PAX7: variants seen among roughly 807,000 people sequenced by gnomAD.
PAX7 encodes the protein paired box protein Pax-7.
PAX7 carries 18 observed loss-of-function variants against 50.7 expected under a neutral mutation model. The ratio of observed to expected loss-of-function variants is 0.36; its 90% confidence interval spans 0.25 to 0.53. The LOEUF (loss-of-function observed/expected upper bound fraction) is 0.53, where lower values mean the gene tolerates loss of function less well. Among genes scored for constraint, PAX7 ranks in the 20% least tolerant of loss-of-function variants. The pLI is 0.93. For missense variants in PAX7, 644 were observed against 702.9 expected (o/e 0.92, Z 0.95); for synonymous variants, 310 against 290.4 (o/e 1.07, Z -0.69).
rs1249196572 is a variant in PAX7 at position 18,700,845 on chromosome 1, T to G, written c.952+27T>G. Reference sequence around the variant, plus strand: ...TGAGTGTCTTGGCCCCGTCCTGCCATCTCAGTGGTGCCCCTTCCCTTCTTT... The same window carrying G: ...TGAGTGTCTTGGCCCCGTCCTGCCAGCTCAGTGGTGCCCCTTCCCTTCTTT... On this transcript the variant is annotated intron_variant, in intron 6 of 8. Transcript: ENST00000420770. This position sits in a 1 kb window ranked among gnomAD's most constrained non-coding sequence, Gnocchi z 4.8. The G allele has an allele frequency of 1.2e-5, 17 of 1,398,116 alleles. No individual in the cohort carries two copies. Among genetic ancestry groups the G allele is most frequent in the Non-Finnish European group, 1.5e-5 (16 of 1,066,746 alleles). 86.6% of individuals were successfully genotyped at this position (1,398,116 alleles called of 1,614,324 possible).
At chr1:18,674,284 A>C (rs1334324850) in intron 4 of PAX7, among the ~76,000 whole-genome samples, 3 of 152,214 alleles carry the variant, frequency 2.0e-5, no homozygotes, top group African/African-American at 7.2e-5. Context: ...AAGACAGCTC[A>C]TGGAGGAGGT....
intron 5 of PAX7, among the ~76,000 whole-genome samples, chr1:18,694,027 C>T (rs1196806080): frequency 1.3e-5 from 2 of 152,222 alleles, no homozygotes; most frequent in Non-Finnish European, 2.9e-5. Flanking sequence ...ATACTCTGGG[C>T]TTCCCCAGTG....
At chr1:18,658,982 ATGTGTGTGT>A (rs2088562667) in intron 4 of PAX7, among the ~76,000 whole-genome samples, 1 of 151,930 alleles carries the variant, frequency 6.6e-6, no homozygotes, top group African/African-American at 2.4e-5. Context: ...ACACATATGT[ATGTGTGTGT>A]TGTGTGTGCA....
rs773926036 is a variant in PAX7 at position 18,634,338 on chromosome 1, C to T, written c.121C>T (p.Leu41=). Residue 41 remains leucine, a synonymous_variant, in exon 2 of 9, where the codon CTG becomes TTG. Transcript: ENST00000420770. The surrounding 1 kb of genome is among the most constrained non-coding windows in gnomAD (Gnocchi z 4.0). ...TPLGQGRVNQ[L]GGVFINGRPL... is the part of the protein sequence containing the mutation. ...GCTTGGCCAAGGCCGGGTCAATCAGCTGGGAGGGGTCTTCATCAATGGGCG... is the reference window on the plus strand; with the variant it reads ...GCTTGGCCAAGGCCGGGTCAATCAGTTGGGAGGGGTCTTCATCAATGGGCG... 1.2e-6 allele frequency: 2 copies of T among 1,614,026 alleles called. No homozygotes were observed. The highest frequency in any genetic ancestry group is 2.2e-5 in the South Asian group (2 of 91,056).
At chr1:18,683,193 T>G (rs945709269) in intron 4 of PAX7, among the ~76,000 whole-genome samples, 6 of 152,198 alleles carry the variant, frequency 3.9e-5, no homozygotes. Flanking sequence ...TCCTAGATAC[T>G]GGGACTGAGT....
At chr1:18,638,910 T>A (rs1292231467) in intron 4 of PAX7, among the ~76,000 whole-genome samples, 1 of 152,162 alleles carries the variant, frequency 6.6e-6, no homozygotes, top group African/African-American at 2.4e-5. Flanking sequence ...ATCCGAGTAA[T>A]CCAGGTAGGG....
At chr1:18,705,797 C>T (rs1264337126) in intron 7 of PAX7, among the ~76,000 whole-genome samples, 1 of 152,178 alleles carries the variant, frequency 6.6e-6, no homozygotes, top group Non-Finnish European at 1.5e-5. Flanking sequence ...TCCACCCAGC[C>T]CAGAATTTTA....
chr1:18,717,682 C>T (rs1258520187), intron 7 of PAX7, among the ~76,000 whole-genome samples: 1 of 152,176 alleles, frequency 6.6e-6, no homozygotes, highest in Non-Finnish European at 1.5e-5. Flanking sequence ...GGCGTGTGTC[C>T]CCAGCACAAA....
At chr1:18,712,588 C>T (rs1362328004) in intron 7 of PAX7, among the ~76,000 whole-genome samples, 1 of 152,206 alleles carries the variant, frequency 6.6e-6, no homozygotes, top group East Asian at 1.9e-4. Context: ...TGAGTAGGCT[C>T]TGCTAGGAAC....
At chr1:18,736,007 T>C (rs562064181) in intron 8 of PAX7, 129 bp downstream of exon 8, 2 of 1,601,970 alleles carry the variant, frequency 1.2e-6, no homozygotes, top group Non-Finnish European at 1.7e-6. Context: ...GATGGAAAAA[T>C]TGAAGTCCAG....
intron 5 of PAX7, among the ~76,000 whole-genome samples, chr1:18,693,355 G>A (rs536895175): frequency 3.3e-4 from 51 of 152,256 alleles, no homozygotes; most frequent in African/African-American, 1.2e-3. Context: ...GGTCAGCGTG[G>A]TCACCCCCTG....
At chr1:18,654,134 C>G (rs937772338) in intron 4 of PAX7, among the ~76,000 whole-genome samples, 7 of 152,154 alleles carry the variant, frequency 4.6e-5, no homozygotes, top group Admixed American at 3.9e-4. Flanking sequence ...GCACAGCAGC[C>G]CAGTCCAGAG....
intron 7 of PAX7, among the ~76,000 whole-genome samples, chr1:18,723,217 G>A (rs1037102429): frequency 1.3e-5 from 2 of 152,180 alleles, no homozygotes; most frequent in Middle Eastern, 3.2e-3. Flanking sequence ...TCAAACACCC[G>A]GGATAATAGT....
intron 8 of PAX7, among the ~76,000 whole-genome samples, chr1:18,738,033 T>A (rs1179376657): frequency 6.6e-6 from 1 of 152,142 alleles, no homozygotes; most frequent in Non-Finnish European, 1.5e-5. Flanking sequence ...AGTGTGTAAA[T>A]AGGGGTGAGT....
At chr1:18,694,778 T>G (rs1054972481) in intron 5 of PAX7, among the ~76,000 whole-genome samples, 15 of 152,186 alleles carry the variant, frequency 9.9e-5, no homozygotes, top group Non-Finnish European at 1.8e-4. Flanking sequence ...CAACAATTAC[T>G]AAGACCCTTA....
intron 4 of PAX7, among the ~76,000 whole-genome samples, chr1:18,648,688 G>A (rs1218478008): frequency 6.6e-6 from 1 of 152,160 alleles, no homozygotes; most frequent in Non-Finnish European, 1.5e-5. Flanking sequence ...GGATGTGCTG[G>A]GGAGGATAAC....
intron 7 of PAX7, among the ~76,000 whole-genome samples, chr1:18,713,652 T>C (rs1249564277): frequency 6.6e-6 from 1 of 152,124 alleles, no homozygotes; most frequent in Non-Finnish European, 1.5e-5. Context: ...AGAGATAAAT[T>C]AGAGTATTCA....
chr1:18,633,220 C>T (rs1400548401), intron 1 of PAX7, among the ~76,000 whole-genome samples: 4 of 152,144 alleles, frequency 2.6e-5, no homozygotes, highest in Non-Finnish European at 5.9e-5. Context: ...CTCGCCTCCT[C>T]CCTTTCAATT....
At position 18,702,952 on chromosome 1, in the gene PAX7, C is replaced by T. The variant is rs1023774949; in HGVS notation, c.953-142C>T. ...TGCCCAGGAGCCAACTTGTCTCATC[C>T]CAGGTAGCATGAGAGGGTGGTCCCT... On this transcript the variant is annotated intron_variant, in intron 6 of 8. Transcript: ENST00000420770. 3.2e-5 allele frequency: 24 copies of T among 751,628 alleles called. No individual in the cohort carries two copies. In the African/African-American group the frequency reaches 3.4e-4, roughly 11 times the overall value. 46.6% of individuals were successfully genotyped at this position (751,628 alleles called of 1,614,324 possible).
Sources: allele counts gnomAD v4.1 joint callset (sites outside exome capture counted in the v4.1 genomes callset), GRCh38; gene constraint gnomAD v4.1.1; non-coding constraint Gnocchi (gnomAD v3.1); transcripts MANE v1.5; gene names NCBI Gene and HGNC (gene_info 2026-07-23, HGNC 2026-07-21).